ANO3: variants seen among roughly 807,000 people sequenced by gnomAD.
ANO3 encodes the protein anoctamin 3.
ANO3 carries 99 observed loss-of-function variants against 144.8 expected under a neutral mutation model. The observed-to-expected ratio is 0.68, with a 90% CI of 0.58 to 0.81. The LOEUF (loss-of-function observed/expected upper bound fraction) is 0.81, where lower values mean the gene tolerates loss of function less well. ANO3 is among the 30% of genes least tolerant of loss of function. ANO3 has a pLI of 0.00. For missense variants in ANO3, 905 were observed against 1,202.2 expected (o/e 0.75, Z 3.66); for synonymous variants, 414 against 392.6 (o/e 1.05, Z -0.64).
chr11:26,572,384 G>A (rs1467610509), intron 14 of ANO3: 3 of 337,790 alleles, frequency 8.9e-6, no homozygotes, highest in South Asian at 1.2e-4. Context: ...AGCAAAACAC[G>A]GGTCATCAAT....
At chr11:26,634,360 A>T in intron 19 of ANO3, 45 bp downstream of exon 19, 2 of 1,258,372 alleles carry the variant, frequency 1.6e-6, no homozygotes, top group South Asian at 2.5e-5. Flanking sequence ...TGAAAAACAC[A>T]GTCAATAGTT....
At chr11:26,568,255 A>C (rs191918829) in intron 14 of ANO3, among the ~76,000 whole-genome samples, 535 of 152,196 alleles carry the variant, frequency 3.5e-3, no homozygotes, top group African/African-American at 0.012. Context: ...ATGGTGAAGA[A>C]GGGCTTATTA....
chr11:26,595,015 G>A (rs1191803122), intron 14 of ANO3, among the ~76,000 whole-genome samples: 1 of 152,074 alleles, frequency 6.6e-6, no homozygotes, highest in Non-Finnish European at 1.5e-5. Context: ...TACATCTTAG[G>A]GGCATTTTTG....
chr11:26,533,633 G>A (rs1338772860), intron 8 of ANO3, among the ~76,000 whole-genome samples: 15 of 152,170 alleles, frequency 9.9e-5, no homozygotes, highest in African/African-American at 4.8e-5. Flanking sequence ...GTGGGAAAAC[G>A]CAAGGCAAGT....
chr11:26,230,450 T>A (rs1284712901), intron 1 of ANO3, among the ~76,000 whole-genome samples: 1 of 152,102 alleles, frequency 6.6e-6, no homozygotes, highest in African/African-American at 2.4e-5. Context: ...CAATTTCATA[T>A]TTCATTGGTT....
intron 5 of ANO3, among the ~76,000 whole-genome samples, chr11:26,510,877 C>A (rs549078111): frequency 6.6e-6 from 1 of 152,180 alleles, no homozygotes; most frequent in African/African-American, 2.4e-5. Flanking sequence ...GGTCCTGTTC[C>A]GCTTTTAAAG....
chr11:26,386,633 G>T (rs1232723735), intron 1 of ANO3, among the ~76,000 whole-genome samples: 2 of 152,154 alleles, frequency 1.3e-5, no homozygotes, highest in Non-Finnish European at 2.9e-5. Context: ...TATTTCTGTA[G>T]TATTTGTGCC....
Position 26,505,443 on chromosome 11 carries a change from G to A in ANO3, c.433-2661G>A, listed in dbSNP as rs117178922. On this transcript the variant is annotated intron_variant, in intron 4 of 26. Coordinates refer to ENST00000256737, the MANE Select transcript of ANO3 (RefSeq NM_031418.4). Reference sequence around the variant, plus strand: ...GCCTGTGAATATTTATTATGTAGTGGTCAACATATAGATGGTTATTTAAAG... The same window carrying A: ...GCCTGTGAATATTTATTATGTAGTGATCAACATATAGATGGTTATTTAAAG... 1.0e-2 allele frequency among the ~76,000 whole-genome samples: 1,518 copies of A among 152,288 alleles called. 12 individuals are homozygous for A. Among genetic ancestry groups the A allele is most frequent in the South Asian group, 0.024 (115 of 4,828 alleles).
chr11:26,462,952 AGAG>A, intron 3 of ANO3, 75 bp from the exon 4 acceptor site: 2 of 639,810 alleles, frequency 3.1e-6, no homozygotes, highest in Non-Finnish European at 2.6e-6. Context: ...AAAACATGAA[AGAG>A]GAGAGATTAG....
At chr11:26,548,117 T>C (rs1408881193) in intron 12 of ANO3, among the ~76,000 whole-genome samples, 3 of 152,080 alleles carry the variant, frequency 2.0e-5, no homozygotes, top group South Asian at 4.1e-4. Flanking sequence ...CGTAACATAC[T>C]TTCTACCCTA....
At chr11:26,223,926 C>G (rs936399228) in intron 1 of ANO3, among the ~76,000 whole-genome samples, 1 of 152,124 alleles carries the variant, frequency 6.6e-6, no homozygotes, top group Non-Finnish European at 1.5e-5. Context: ...CCCCCATGAC[C>G]AAAACACCTC....
At chr11:26,355,011 C>CTTTTT (rs5790571) in intron 1 of ANO3, among the ~76,000 whole-genome samples, 1 of 148,416 alleles carries the variant, frequency 6.7e-6, no homozygotes. Flanking sequence ...AATTGTAACT[C>CTTTTT]TTTTTTTTTT....
In ANO3 at chr11:26,639,004, T is replaced by C. The variant is rs920098790; in HGVS notation, c.2044-140T>C. ...TCATCAAGTGCCCTCATACATGCTG[T>C]TTCTTTCTTGTTTTTATTTTCTTTA... is the stretch of plus-strand genomic sequence containing the variant. On this transcript the variant is annotated intron_variant, in intron 20 of 26. Transcript: ENST00000256737. 17 of 600,912 alleles carry C rather than the reference T, an allele frequency of 2.8e-5. No individual in the cohort carries two copies. The Admixed American group carries it at 3.5e-4, about 12-fold the overall frequency. 37.2% of individuals were successfully genotyped at this position (600,912 alleles called of 1,614,324 possible).
At chr11:26,480,409 GT>G (rs371133028) in intron 4 of ANO3, among the ~76,000 whole-genome samples, 23 of 152,064 alleles carry the variant, frequency 1.5e-4, no homozygotes, top group African/African-American at 5.3e-4. Flanking sequence ...AAATATGCCA[GT>G]TTTTTTTGTT....
chr11:26,233,387 G>A (rs12221722), intron 1 of ANO3, among the ~76,000 whole-genome samples: 2,303 of 152,174 alleles, frequency 0.015, 47 homozygotes, highest in East Asian at 0.12. Flanking sequence ...CAAAACCACA[G>A]TGAGATACCA....
At chr11:26,231,213 T>G (rs1459613283) in intron 1 of ANO3, among the ~76,000 whole-genome samples, 2 of 152,170 alleles carry the variant, frequency 1.3e-5, no homozygotes, top group African/African-American at 4.8e-5. Flanking sequence ...AACAGATAAC[T>G]TTAGTAGACA....
chr11:26,321,098 A>G (rs1030096830), intron 1 of ANO3, among the ~76,000 whole-genome samples: 1 of 152,042 alleles, frequency 6.6e-6, no homozygotes, highest in Non-Finnish European at 1.5e-5. Context: ...CTGTTTTCTC[A>G]TTTATTACAT....
Position 26,299,541 on chromosome 11 carries a change from CT to C in ANO3, c.155-10094del, listed in dbSNP as rs369790440. 5.2e-4 allele frequency among the ~76,000 whole-genome samples: 78 copies of C among 148,784 alleles called. 1 individual carries two copies. The East Asian group carries it at 8.1e-3, about 15-fold the overall frequency. On this transcript the variant is annotated intron_variant, in intron 1 of 27. Coordinates refer to the ANO3 transcript ENST00000672621. ...GAAAACTAGAGTCAAGAGAGATTGCCTTTTTTTTTTCCTATTCTTTTTAGGG... is the reference window on the plus strand; with the variant it reads ...GAAAACTAGAGTCAAGAGAGATTGCCTTTTTTTTTCCTATTCTTTTTAGGG...
chr11:26,400,128 GT>G (rs1264575299), intron 1 of ANO3, among the ~76,000 whole-genome samples: 2 of 151,880 alleles, frequency 1.3e-5, no homozygotes, highest in Non-Finnish European at 2.9e-5. Context: ...TTGTTGTTTT[GT>G]TTTGTTTTGC....
Sources: allele counts gnomAD v4.1 joint callset (sites outside exome capture counted in the v4.1 genomes callset), GRCh38; gene constraint gnomAD v4.1.1; transcripts MANE v1.5; gene names NCBI Gene and HGNC (gene_info 2026-07-23, HGNC 2026-07-21).